Variants in PALM2AKAP2 observed in about 807,000 individuals in gnomAD.
PALM2AKAP2 encodes the protein PALM2 and AKAP2 fusion, also known as PALM2-AKAP2 fusion protein.
PALM2AKAP2 carries 37 observed loss-of-function variants against 71.5 expected under a neutral mutation model. The observed-to-expected ratio is 0.52, with a 90% CI of 0.40 to 0.68. The LOEUF (loss-of-function observed/expected upper bound fraction) is 0.68. PALM2AKAP2 is among the 30% of genes least tolerant of loss of function. PALM2AKAP2 has a pLI of 0.00. For synonymous variants in PALM2AKAP2, 468 were observed against 478.8 expected (o/e 0.98, Z 0.29); for missense variants, 1,224 against 1,191.8 (o/e 1.03, Z -0.40).
chr9:109,941,641 T>A (rs1831371784), intron 6 of PALM2AKAP2, among the ~76,000 whole-genome samples: 1 of 152,210 alleles, frequency 6.6e-6, no homozygotes, highest in African/African-American at 2.4e-5. Flanking sequence ...CTGGTGGCTC[T>A]ATGGGCCTGA....
At chr9:110,105,516 G>A (rs981604272) in intron 1 of PALM2AKAP2, among the ~76,000 whole-genome samples, 3 of 152,250 alleles carry the variant, frequency 2.0e-5, no homozygotes, top group East Asian at 1.9e-4. Flanking sequence ...ACATGTGCAC[G>A]CATACTGTAT....
intron 1 of PALM2AKAP2, among the ~76,000 whole-genome samples, chr9:109,708,975 C>A (rs1828184409): frequency 6.6e-6 from 1 of 152,132 alleles, no homozygotes; most frequent in Non-Finnish European, 1.5e-5. Flanking sequence ...AAGGGTAGAC[C>A]TGGAATGCAA....
At chr9:110,119,900 G>C (rs960161819) in intron 1 of PALM2AKAP2, among the ~76,000 whole-genome samples, 3 of 152,156 alleles carry the variant, frequency 2.0e-5, no homozygotes, top group Non-Finnish European at 4.4e-5. Context: ...CGTATGGCAA[G>C]CCCTGTGGTG....
Position 109,732,908 on chromosome 9 carries a change from G to T in PALM2AKAP2, c.6-47580G>T, listed in dbSNP as rs1367495780. 2.0e-5 allele frequency among the ~76,000 whole-genome samples: 3 copies of T among 152,206 alleles called. No individual in the cohort carries two copies. In the East Asian group the frequency reaches 5.8e-4, roughly 29 times the overall value. On this transcript the variant is annotated intron_variant, in intron 1 of 6. Coordinates refer to the PALM2AKAP2 transcript ENST00000374531. ...GCTGAGGTATAAAGACCCTGCAGTG[G>T]GCATGGGGTGGGTATGTGTGACAAA...
At chr9:110,014,423 T>G (rs900645325) in intron 6 of PALM2AKAP2, among the ~76,000 whole-genome samples, 11 of 152,242 alleles carry the variant, frequency 7.2e-5, no homozygotes, top group Middle Eastern at 6.8e-3. Context: ...CAAATATTGC[T>G]TTATTAACCT....
At chr9:110,097,503 C>T (rs181482527) in intron 1 of PALM2AKAP2, among the ~76,000 whole-genome samples, 8,010 of 150,822 alleles carry the variant, frequency 0.053, 106 homozygotes, top group Non-Finnish European at 0.066. Flanking sequence ...CGGGCAGAGA[C>T]GCTCCTCACA....
intron 1 of PALM2AKAP2, among the ~76,000 whole-genome samples, chr9:109,653,240 A>G (rs1258708650): frequency 3.3e-5 from 5 of 152,220 alleles, no homozygotes; most frequent in Non-Finnish European, 4.4e-5. Flanking sequence ...ACAAAATGAA[A>G]CAAAAAACAA....
At chr9:110,069,845 G>GCAAACA (rs1834166100) in intron 1 of PALM2AKAP2, among the ~76,000 whole-genome samples, 2 of 152,244 alleles carry the variant, frequency 1.3e-5, no homozygotes, top group Non-Finnish European at 2.9e-5. Context: ...TTTATCAGCA[G>GCAAACA]TGATGCAAAC....
At chr9:110,020,770 A>C (rs260193) in intron 7 of PALM2AKAP2, among the ~76,000 whole-genome samples, 101,692 of 151,878 alleles carry the variant, frequency 0.67, 34,583 homozygotes, top group African/African-American at 0.8. Context: ...TGGACTAATA[A>C]ACCTGTGAAT....
chr9:109,816,810 A>C (rs1827866010), intron 1 of PALM2AKAP2, among the ~76,000 whole-genome samples: 1 of 152,214 alleles, frequency 6.6e-6, no homozygotes. Context: ...ATGAGGGCAG[A>C]GGAGTCATGG....
At chr9:109,831,071 T>C (rs918667702) in intron 1 of PALM2AKAP2, among the ~76,000 whole-genome samples, 1 of 151,836 alleles carries the variant, frequency 6.6e-6, no homozygotes, top group Non-Finnish European at 1.5e-5. Flanking sequence ...GCTGTTCAAT[T>C]GGAGGTGAGA....
chr9:109,699,440 G>T (rs985298608), intron 1 of PALM2AKAP2, among the ~76,000 whole-genome samples: 2 of 152,158 alleles, frequency 1.3e-5, no homozygotes, highest in Non-Finnish European at 2.9e-5. Context: ...TTTGTACAAG[G>T]ATGTTTATTG....
intron 1 of PALM2AKAP2, among the ~76,000 whole-genome samples, chr9:109,675,173 T>A (rs1437001250): frequency 6.6e-6 from 1 of 152,142 alleles, no homozygotes; most frequent in East Asian, 1.9e-4. Flanking sequence ...ATGGGTTTAT[T>A]GGGATGGAAC....
chr9:109,710,994 A>T (rs556155030), intron 1 of PALM2AKAP2, among the ~76,000 whole-genome samples: 1 of 152,344 alleles, frequency 6.6e-6, no homozygotes, highest in Non-Finnish European at 1.5e-5. Context: ...GTAGCACTAC[A>T]TGCATGCAAA....
chr9:109,994,242 T>C (rs997455294), intron 6 of PALM2AKAP2, among the ~76,000 whole-genome samples: 3 of 152,168 alleles, frequency 2.0e-5, no homozygotes, highest in Non-Finnish European at 4.4e-5. Flanking sequence ...AGGACAGAGA[T>C]AGATGAATTT....
chr9:109,980,846 G>A (rs1459009656), intron 6 of PALM2AKAP2, among the ~76,000 whole-genome samples: 3 of 152,144 alleles, frequency 2.0e-5, no homozygotes, highest in Non-Finnish European at 2.9e-5. Flanking sequence ...AAGGCACTTT[G>A]CCAAACATTA....
At chr9:109,964,090 G>A (rs974000090) in intron 6 of PALM2AKAP2, among the ~76,000 whole-genome samples, 3 of 152,232 alleles carry the variant, frequency 2.0e-5, no homozygotes, top group African/African-American at 7.2e-5. Flanking sequence ...CTTAGTAAGA[G>A]AGAACATAAA....
chr9:109,796,954 G>A (rs927357555), intron 1 of PALM2AKAP2, among the ~76,000 whole-genome samples: 7 of 152,118 alleles, frequency 4.6e-5, no homozygotes, highest in East Asian at 1.9e-4. Context: ...AACTGAAGGC[G>A]GTGCTAAATG....
At chr9:109,882,028 C>T (rs758801468) in intron 3 of PALM2AKAP2, among the ~76,000 whole-genome samples, 11 of 151,766 alleles carry the variant, frequency 7.2e-5, no homozygotes, top group Non-Finnish European at 1.3e-4. Flanking sequence ...GGACTACAGG[C>T]GTGCACCAAC....
Sources: allele counts gnomAD v4.1 joint callset (sites outside exome capture counted in the v4.1 genomes callset), GRCh38; gene constraint gnomAD v4.1.1; transcripts MANE v1.5; gene names NCBI Gene and HGNC (gene_info 2026-07-23, HGNC 2026-07-21).